NUMB: variants seen among roughly 807,000 people sequenced by gnomAD.
NUMB encodes protein numb homolog.
In NUMB, 29 loss-of-function variants were observed where a neutral mutation model predicts 59.7. The ratio of observed to expected loss-of-function variants is 0.49; its 90% confidence interval spans 0.36 to 0.66. The LOEUF is 0.66. NUMB is among the 30% of genes least tolerant of loss of function. NUMB has a pLI of 0.00. For synonymous variants in NUMB, 288 were observed against 288.2 expected (o/e 1.00, Z 0.01); for missense variants, 723 against 822.0 (o/e 0.88, Z 1.47).
At chr14:73,457,165 C>G (rs375065119) in intron 1 of NUMB, among the ~76,000 whole-genome samples, 2 of 152,286 alleles carry the variant, frequency 1.3e-5, no homozygotes, top group East Asian at 1.9e-4. Flanking sequence ...CTTCTTTTCA[C>G]TTTAGCCGAG....
chr14:73,350,070 T>TACACACACACACACACACACAC lies in NUMB; in HGVS notation c.126+5555_126+5556insGTGTGTGTGTGTGTGTGTGTGT, dbSNP rs765736029. Among the ~76,000 whole-genome samples the TACACACACACACACACACACAC allele has an allele frequency of 2.1e-3, 228 of 110,202 alleles. 1 individual carries two copies. The South Asian group carries it at 0.026, about 12-fold the overall frequency. The allele number at this position is 110,202 out of a possible 152,430, so 72.3% of individuals were successfully genotyped here. ...ATACATACATACATATATACATACA[T>TACACACACACACACACACACAC]ACATACATACACACACACACACACA... On this transcript the variant is annotated intron_variant, in intron 4 of 12. Coordinates refer to ENST00000555238, the MANE Select transcript of NUMB (RefSeq NM_001005743.2).
chr14:73,447,470 A>T (rs1481017096), intron 1 of NUMB, among the ~76,000 whole-genome samples: 2 of 152,170 alleles, frequency 1.3e-5, no homozygotes, highest in African/African-American at 2.4e-5. Flanking sequence ...CCCAGGCGAC[A>T]GTGCAAGACT....
chr14:73,365,260 T>TGAACTCCTGGCCTC (rs1449274112), intron 3 of NUMB, among the ~76,000 whole-genome samples: 12 of 152,090 alleles, frequency 7.9e-5, no homozygotes, highest in African/African-American at 2.9e-4. Context: ...AGGCTGGTCT[T>TGAACTCCTGGCCTC]GAACTCCTGG....
At chr14:73,340,344 G>C (rs908261210) in intron 4 of NUMB, among the ~76,000 whole-genome samples, 1 of 152,152 alleles carries the variant, frequency 6.6e-6, no homozygotes, top group African/African-American at 2.4e-5. Flanking sequence ...GACATCCACT[G>C]ATGCCCAAAA....
intron 6 of NUMB, chr14:73,298,412 AG>A (rs1889916870): frequency 6.6e-6 from 1 of 152,250 alleles, no homozygotes; most frequent in Non-Finnish European, 1.5e-5. Flanking sequence ...TTGGGGACAC[AG>A]GAAGATTTAA....
In NUMB at chr14:73,276,761, AC is replaced by A. The variant is rs1410781509; in HGVS notation, c.1772del (p.Gly591ValfsTer2). 2.5e-6 allele frequency: 4 copies of A among 1,614,142 alleles called. No homozygotes were observed. Among genetic ancestry groups the A allele is most frequent in the Non-Finnish European group, 2.5e-6 (3 of 1,180,032 alleles). On this transcript the variant is annotated frameshift_variant, in exon 13 of 13. Transcript: ENST00000555238. LOFTEE classifies it high-confidence loss of function. ...QHLNGSAAFN[G>X]VDDGRLASAD... ...CTGAGGCCAACCTGCCATCATCTAC[AC>A]CATTGAAAGCTGCAGAACCGTTGAG...
chr14:73,350,052 C>T lies in NUMB; in HGVS notation c.126+5574G>A, dbSNP rs1025782447. 5.7e-4 allele frequency among the ~76,000 whole-genome samples: 80 copies of T among 140,360 alleles called. 1 individual carries two copies. The highest frequency in any genetic ancestry group is 2.1e-3 in the African/African-American group (72 of 34,390). The allele number at this position is 140,360 out of a possible 152,430, so 92.1% of individuals were successfully genotyped here. ...AGTGAGGCTCTGTCTCACATACATA[C>T]ATACATATATACATACATACATACA... On this transcript the variant is annotated intron_variant, in intron 4 of 12. Transcript: ENST00000555238.
intron 2 of NUMB, among the ~76,000 whole-genome samples, chr14:73,404,071 C>A (rs770094136): frequency 7.3e-6 from 1 of 136,320 alleles, no homozygotes; most frequent in African/African-American, 2.7e-5. Context: ...AGCAAGACTC[C>A]GTCTGAAAAA....
At chr14:73,355,565 C>T (rs932315618) in intron 4 of NUMB, 61 bp downstream of exon 4, 3 of 1,481,438 alleles carry the variant, frequency 2.0e-6, no homozygotes, top group African/African-American at 2.9e-5. Flanking sequence ...AATGAGATTT[C>T]ACATACACTA....
At chr14:73,455,416 T>C (rs944920124) in intron 1 of NUMB, among the ~76,000 whole-genome samples, 1 of 152,216 alleles carries the variant, frequency 6.6e-6, no homozygotes, top group Non-Finnish European at 1.5e-5. Context: ...ACATACATAT[T>C]CTTTTTAAAA....
At chr14:73,367,298 C>CATATAT (rs1894394606) in intron 2 of NUMB, among the ~76,000 whole-genome samples, 1 of 108,234 alleles carries the variant, frequency 9.2e-6, no homozygotes, top group African/African-American at 4.4e-5. Flanking sequence ...TATATATATA[C>CATATAT]ACACACACAC....
At chr14:73,351,085 G>A (rs1247329846) in intron 4 of NUMB, among the ~76,000 whole-genome samples, 1 of 152,102 alleles carries the variant, frequency 6.6e-6, no homozygotes, top group East Asian at 1.9e-4. Flanking sequence ...TGGGTGACAG[G>A]TACACTAAAA....
At chr14:73,423,548 G>A (rs1897447908) in intron 1 of NUMB, among the ~76,000 whole-genome samples, 2 of 152,120 alleles carry the variant, frequency 1.3e-5, no homozygotes, top group African/African-American at 4.8e-5. Context: ...GGCTGAGGCA[G>A]GAGAACGGCT....
chr14:73,292,885 C>T lies in NUMB; in HGVS notation c.310-11G>A, dbSNP rs144722068. The T allele has an allele frequency of 3.3e-5, 53 of 1,613,132 alleles. No homozygotes were observed. Among genetic ancestry groups the T allele is most frequent in the African/African-American group, 2.4e-4 (18 of 74,896 alleles). ...GTCAACTATGAGGTCCTAGAAAATA[C>T]GACACACAAAGAAAGAGAAGACTTA... On this transcript the variant is annotated splice_polypyrimidine_tract_variant and intron_variant, in intron 7 of 12. Transcript: ENST00000555238.
intron 2 of NUMB, among the ~76,000 whole-genome samples, chr14:73,402,685 A>G (rs881035): frequency 0.26 from 38,991 of 152,112 alleles, 5,810 homozygotes; most frequent in East Asian, 0.68. Context: ...GACTGCCTTG[A>G]AAGTCAGATA....
intron 2 of NUMB, among the ~76,000 whole-genome samples, chr14:73,404,255 AG>A (rs1433882406): frequency 8.4e-6 from 1 of 119,344 alleles, no homozygotes; most frequent in Non-Finnish European, 1.7e-5. Flanking sequence ...AAACAAAAAA[AG>A]GTAAAATAAT....
In NUMB at chr14:73,387,584, C is replaced by T. The variant is rs533616674; in HGVS notation, c.-100-20603G>A. On this transcript the variant is annotated intron_variant, in intron 2 of 12. Transcript: ENST00000555238. ...GGCACAACTGTAAGTTTCCTGAGGC[C>T]TCCCCAGCCATGCTAAACTGTGAGT... Among the ~76,000 whole-genome samples, 9 of 151,904 alleles carry T rather than the reference C, an allele frequency of 5.9e-5. 1 individual carries two copies. The South Asian group carries it at 1.7e-3, about 28-fold the overall frequency.
At chr14:73,350,076 CAT>C (rs111371430) in intron 4 of NUMB, among the ~76,000 whole-genome samples, 155 of 130,052 alleles carry the variant, frequency 1.2e-3, no homozygotes, top group Middle Eastern at 3.8e-3. Context: ...TACATACATA[CAT>C]ACACACACAC....
chr14:73,422,439 T>C (rs1897390157), intron 1 of NUMB, among the ~76,000 whole-genome samples: 1 of 152,166 alleles, frequency 6.6e-6, no homozygotes, highest in Non-Finnish European at 1.5e-5. Flanking sequence ...ATGAGTTGAA[T>C]AGGATAAAAA....
Sources: gnomAD v4.1 joint callset for allele counts (sites outside exome capture counted in the v4.1 genomes callset) on GRCh38, gnomAD v4.1.1 for gene constraint, MANE v1.5 for transcripts, NCBI Gene and HGNC (gene_info 2026-07-23, HGNC 2026-07-21) for gene names.